Variants in UST observed in about 807,000 individuals in gnomAD.
UST encodes the protein chondroitin sulfate 2-O-sulfotransferase.
Under a neutral mutation model 45.6 loss-of-function variants are expected in UST, and 21 were observed. That is an observed-to-expected ratio of 0.46 (90% CI 0.33 to 0.66). The LOEUF (loss-of-function observed/expected upper bound fraction) is 0.66, where lower values mean the gene tolerates loss of function less well. Among genes scored for constraint, UST ranks in the 30% least tolerant of loss-of-function variants. The probability of loss-of-function intolerance (pLI) is 0.02; values close to 1 mark genes in which losing one functional copy is unlikely to be tolerated. For synonymous variants in UST, 215 were observed against 200.6 expected (o/e 1.07, Z -0.61); for missense variants, 463 against 512.4 (o/e 0.90, Z 0.93).
chr6:148,929,742 C>G (rs1343721428), intron 2 of UST, among the ~76,000 whole-genome samples: 3 of 152,160 alleles, frequency 2.0e-5, no homozygotes, highest in Non-Finnish European at 4.4e-5. Context: ...TAACATAAAG[C>G]AGAGAAGTTC....
chr6:148,899,372 T>C (rs1052521061), intron 2 of UST, among the ~76,000 whole-genome samples: 12 of 152,244 alleles, frequency 7.9e-5, no homozygotes, highest in African/African-American at 2.4e-4. Flanking sequence ...GTGCTGGGAT[T>C]ACAGGCGTGA....
chr6:149,000,678 T>C (rs1324250885), intron 5 of UST, among the ~76,000 whole-genome samples: 1 of 152,088 alleles, frequency 6.6e-6, no homozygotes, highest in African/African-American at 2.4e-5. Flanking sequence ...TAAGTGTGCC[T>C]AGGATGTTTG....
At chr6:149,013,348 G>C (rs1038858530) in intron 5 of UST, among the ~76,000 whole-genome samples, 1 of 151,940 alleles carries the variant, frequency 6.6e-6, no homozygotes, top group Non-Finnish European at 1.5e-5. Context: ...TCAGGAGTTC[G>C]AGTTTGCCGC....
At chr6:149,056,478 A>T (rs1179280290) in intron 7 of UST, among the ~76,000 whole-genome samples, 1 of 152,204 alleles carries the variant, frequency 6.6e-6, no homozygotes, top group Non-Finnish European at 1.5e-5. Flanking sequence ...GTGTCTACTG[A>T]CATTAGCTTA....
intron 2 of UST, among the ~76,000 whole-genome samples, chr6:148,921,959 G>A (rs528514344): frequency 1.3e-5 from 2 of 152,274 alleles, no homozygotes; most frequent in South Asian, 4.1e-4. Context: ...ATCAGAGCCA[G>A]AATTAGTAAG....
chr6:149,074,535 G>C lies in UST; in HGVS notation c.*419G>C, dbSNP rs1278083808. 1 of 193,156 alleles carries C rather than the reference G, an allele frequency of 5.2e-6. No individual in the cohort carries two copies. The allele number at this position is 193,156 out of a possible 1,614,324, so 12.0% of individuals were successfully genotyped here. ...AATACAAAACCACTTCAGAGACCAGGGTATCTCCTCTGGAAGGATCTAAGA... is the reference window on the plus strand; with the variant it reads ...AATACAAAACCACTTCAGAGACCAGCGTATCTCCTCTGGAAGGATCTAAGA... On this transcript the variant is annotated 3_prime_UTR_variant, in exon 8 of 8. Transcript: ENST00000367463.
intron 5 of UST, among the ~76,000 whole-genome samples, chr6:148,965,044 C>T (rs1204613363): frequency 6.6e-6 from 1 of 152,124 alleles, no homozygotes; most frequent in Non-Finnish European, 1.5e-5. Context: ...CAGGTAAGGG[C>T]GCAACTGCGA....
At chr6:148,991,552 A>T (rs1484057163) in intron 5 of UST, among the ~76,000 whole-genome samples, 1 of 114,938 alleles carries the variant, frequency 8.7e-6, no homozygotes, top group African/African-American at 3.5e-5. Flanking sequence ...GATGTTCCCC[A>T]CCCTGTGTCC....
At chr6:149,048,700 A>T (rs775411815) in intron 7 of UST, among the ~76,000 whole-genome samples, 1 of 152,248 alleles carries the variant, frequency 6.6e-6, no homozygotes, top group Non-Finnish European at 1.5e-5. Flanking sequence ...TCCATAAGAA[A>T]ATCACTAACA....
Position 148,826,830 on chromosome 6 carries a change from T to C in UST, c.248-60156T>C, listed in dbSNP as rs114075412. Among the ~76,000 whole-genome samples, 426 of 152,288 alleles carry C rather than the reference T, an allele frequency of 2.8e-3. 2 individuals are homozygous for C. The highest frequency in any genetic ancestry group is 9.8e-3 in the African/African-American group (409 of 41,550). On this transcript the variant is annotated intron_variant, in intron 1 of 7. Transcript: ENST00000367463. ...GCATTCCTTGGCTCATGCCCCCTAA[T>C]ACCATCTTCAAAGCCAACAAAGTCA...
intron 1 of UST, 127 bp downstream of exon 1, chr6:148,747,804 C>A: frequency 8.0e-7 from 1 of 1,246,744 alleles, no homozygotes; most frequent in Non-Finnish European, 1.0e-6. Context: ...TCTCCAGGTG[C>A]TAAGCCCGTG....
intron 7 of UST, among the ~76,000 whole-genome samples, chr6:149,042,961 TTCTTTC>T (rs1298239930): frequency 1.6e-5 from 1 of 61,902 alleles, no homozygotes; most frequent in African/African-American, 9.1e-5. Flanking sequence ...ATCCTTTTCT[TTCTTTC>T]TTTCTTTCTT....
rs1443732600 is a variant in UST, at chr6:148,790,691, A to G, written c.247+43014A>G. 6.6e-6 allele frequency among the ~76,000 whole-genome samples: 1 copy of G among 151,486 alleles called. No individual in the cohort carries two copies. Among genetic ancestry groups the G allele is most frequent in the Non-Finnish European group, 1.5e-5 (1 of 67,878 alleles). On this transcript the variant is annotated intron_variant, in intron 1 of 7. Transcript: ENST00000367463. The surrounding 1 kb of genome is among the most constrained non-coding windows in gnomAD (Gnocchi z 4.2). ...AGTGCTGTGCCCCGTGTGGAAGGAA[A>G]CCTCCTCGCCCAAGGTTATGCCTCT...
chr6:148,908,758 A>G (rs1490369037), intron 2 of UST, among the ~76,000 whole-genome samples: 2 of 152,216 alleles, frequency 1.3e-5, no homozygotes, highest in Non-Finnish European at 2.9e-5. Context: ...CCAATGAAAG[A>G]TCTGTTTTCC....
At chr6:148,818,421 G>C (rs1390308396) in intron 1 of UST, among the ~76,000 whole-genome samples, 1 of 152,194 alleles carries the variant, frequency 6.6e-6, no homozygotes, top group African/African-American at 2.4e-5. Flanking sequence ...GTAAAACACA[G>C]GTCTTCATTT....
At chr6:148,803,486 C>T (rs576811935) in intron 1 of UST, among the ~76,000 whole-genome samples, 1 of 152,206 alleles carries the variant, frequency 6.6e-6, no homozygotes, top group South Asian at 2.1e-4. Context: ...TACTTCTGTC[C>T]AACTCCTCTA....
chr6:148,836,129 C>T (rs1777782369), intron 1 of UST, among the ~76,000 whole-genome samples: 1 of 152,164 alleles, frequency 6.6e-6, no homozygotes, highest in African/African-American at 2.4e-5. Flanking sequence ...GCAGCCCAAA[C>T]CCACACGGGA....
At chr6:149,019,069 A>G (rs1775944376) in intron 5 of UST, 70 bp from the exon 6 acceptor site, 2 of 1,143,014 alleles carry the variant, frequency 1.7e-6, no homozygotes, top group South Asian at 2.5e-5. Flanking sequence ...AATTTTACTT[A>G]AACTGTGTGG....
rs138579174 is a variant in UST, at chr6:148,971,406, C to T, written c.681+6843C>T. On this transcript the variant is annotated intron_variant, in intron 5 of 7. Coordinates refer to ENST00000367463, the MANE Select transcript of UST (RefSeq NM_005715.3). ...TGGAGCTCACAGACTGCCAGGGAGA[C>T]AGGCATTCATCCCAAAACCATACAG... Among the ~76,000 whole-genome samples the T allele has an allele frequency of 1.7e-3, 253 of 152,284 alleles. 1 individual carries two copies. The highest frequency in any genetic ancestry group is 3.0e-3 in the Non-Finnish European group (201 of 68,030).
Sources: gnomAD v4.1 joint callset for allele counts (sites outside exome capture counted in the v4.1 genomes callset) on GRCh38, gnomAD v4.1.1 for gene constraint, Gnocchi (gnomAD v3.1) non-coding constraint, MANE v1.5 for transcripts, NCBI Gene and HGNC (gene_info 2026-07-23, HGNC 2026-07-21) for gene names.